LRRC17: variants seen among roughly 807,000 people sequenced by gnomAD.
LRRC17 encodes leucine rich repeat containing 17.
In LRRC17, 33 loss-of-function variants were observed where a neutral mutation model predicts 41.5. The ratio of observed to expected loss-of-function variants is 0.80; its 90% CI spans 0.60 to 1.06. LRRC17 has a LOEUF of 1.06. LRRC17 is among the 50% of genes least tolerant of loss of function. The probability of loss-of-function intolerance (pLI) is 0.00; values close to 1 mark genes in which losing one functional copy is unlikely to be tolerated. For missense variants in LRRC17, 491 were observed against 519.3 expected, an observed-to-expected ratio of 0.95 and a Z score of 0.53; for synonymous variants, 192 against 197.0, an observed-to-expected ratio of 0.97 and a Z score of 0.21.
At chr7:102,942,293 C>T (rs761302563) in intron 3 of LRRC17, 6 of 1,598,032 alleles carry the variant, frequency 3.8e-6, no homozygotes, top group Non-Finnish European at 8.5e-7. Flanking sequence ...ATTTCAGGGT[C>T]TTTGAGATGA....
intron 1 of LRRC17, among the ~76,000 whole-genome samples, chr7:102,920,659 T>G (rs533047791): frequency 2.6e-5 from 4 of 152,002 alleles, no homozygotes; most frequent in Non-Finnish European, 5.9e-5. Context: ...TACACTCAAT[T>G]TTGACAATAA....
chr7:102,913,346 C>A, intron 1 of LRRC17: 1 of 1,059,818 alleles, frequency 9.4e-7, no homozygotes, highest in Non-Finnish European at 1.4e-6. Context: ...TTTAACTTTA[C>A]TGTTAACTCT....
In LRRC17 at chr7:102,934,523, C is replaced by T. The variant is rs149650054; in HGVS notation, c.610C>T (p.Arg204Trp). The T allele has an allele frequency of 3.5e-5, 57 of 1,607,940 alleles. No homozygotes were observed. The East Asian group carries it at 4.5e-4, about 13-fold the overall frequency. The part of the protein sequence containing the change: ...SPQEQKNKKL[R>W]QIKSEQLCNE... ...ACAAGAACAAAAAAATAAAAAACTG[C>T]GGCAGATAAAATCTGAACAGTTGTG... The change falls in exon 2 of 4, where the codon CGG becomes TGG. Residue 204 changes from arginine to tryptophan, a missense_variant. Transcript: ENST00000339431.
At chr7:102,917,034 C>T (rs1237744894) in intron 1 of LRRC17, among the ~76,000 whole-genome samples, 1 of 151,926 alleles carries the variant, frequency 6.6e-6, no homozygotes, top group Non-Finnish European at 1.5e-5. Flanking sequence ...AAAAAATCAC[C>T]AAGACAAGGC....
chr7:102,931,309 G>T (rs1296256623), intron 1 of LRRC17, among the ~76,000 whole-genome samples: 2 of 152,192 alleles, frequency 1.3e-5, no homozygotes, highest in Non-Finnish European at 2.9e-5. Flanking sequence ...ACCACAGAGG[G>T]TCTTCAAGGT....
intron 1 of LRRC17, among the ~76,000 whole-genome samples, chr7:102,917,107 T>C (rs1816050995): frequency 6.6e-6 from 1 of 152,178 alleles, no homozygotes; most frequent in Non-Finnish European, 1.5e-5. Flanking sequence ...GGCTCTCTGG[T>C]TTCACAGAGG....
At chr7:102,931,825 C>T (rs112721319) in intron 1 of LRRC17, 9 of 1,521,988 alleles carry the variant, frequency 5.9e-6, no homozygotes, top group African/African-American at 2.7e-5. Flanking sequence ...TATTGGCACC[C>T]CAATGTAGCA....
chr7:102,916,657 G>A (rs551969644), intron 1 of LRRC17, among the ~76,000 whole-genome samples: 97 of 152,256 alleles, frequency 6.4e-4, no homozygotes, highest in African/African-American at 2.1e-3. Context: ...GCAAAGACGC[G>A]TGTCCCCTAC....
chr7:102,913,155 GCCTTT>G lies in LRRC17; in HGVS notation c.-141+11_-141+15del, dbSNP rs757637799. ...CATTCCCCAAGTTCAGGTACTGTAA[GCCTTT>G]GTCTGTGAACCGTCTGCAATAAGCC... On this transcript the variant is annotated intron_variant, in intron 1 of 3. Coordinates refer to ENST00000339431, the MANE Select transcript of LRRC17 (RefSeq NM_001031692.3). The G allele has an allele frequency of 5.0e-6, 8 of 1,614,022 alleles. No homozygotes were observed.
At chr7:102,930,370 A>G (rs1818938334) in intron 1 of LRRC17, among the ~76,000 whole-genome samples, 1 of 152,040 alleles carries the variant, frequency 6.6e-6, no homozygotes, top group Non-Finnish European at 1.5e-5. Context: ...ATCATCCTCT[A>G]TAAACCTGTT....
chr7:102,914,611 AAC>A, intron 1 of LRRC17, among the ~76,000 whole-genome samples: 1 of 152,348 alleles, frequency 6.6e-6, no homozygotes, highest in Admixed American at 6.5e-5. Flanking sequence ...GATTTTGAAA[AAC>A]ACATCTATAT....
intron 3 of LRRC17, among the ~76,000 whole-genome samples, chr7:102,940,909 T>C (rs528867405): frequency 5.9e-5 from 9 of 152,374 alleles, no homozygotes; most frequent in East Asian, 1.9e-4. Flanking sequence ...AATAATGTAA[T>C]GTAATGTTAT....
At chr7:102,941,392 G>A (rs1821393699) in intron 3 of LRRC17, among the ~76,000 whole-genome samples, 1 of 151,956 alleles carries the variant, frequency 6.6e-6, no homozygotes, top group Admixed American at 6.6e-5. Context: ...TCTCCAACCT[G>A]ACCAATCAGC....
intron 1 of LRRC17, among the ~76,000 whole-genome samples, chr7:102,920,577 C>G (rs1473178537): frequency 1.3e-5 from 2 of 152,036 alleles, no homozygotes; most frequent in East Asian, 3.9e-4. Flanking sequence ...TCTCAAACTC[C>G]TGGGCTCAAG....
At position 102,944,376 on chromosome 7, in the gene LRRC17, A is replaced by T. The variant is rs1249316789; in HGVS notation, c.1095A>T (p.Leu365Phe). The T allele has an allele frequency of 4.3e-6, 7 of 1,613,998 alleles. No homozygotes were observed. The East Asian group carries it at 1.3e-4, about 31-fold the overall frequency. ...DYNIHYLYYW[L>F]KHHYNVHFNG... ...ACATTCACTACCTCTACTACTGGTT[A>T]AAGCACCACTACAATGTCCATTTTA... is the stretch of plus-strand genomic sequence containing the variant. Residue 365 changes from leucine (L) to phenylalanine (F), a missense_variant, in exon 4 of 4, where the codon TTA becomes TTT. Leu to Phe is a conservative substitution (Grantham distance 22). Transcript: ENST00000339431.
At chr7:102,918,790 T>C (rs1255353823) in intron 1 of LRRC17, among the ~76,000 whole-genome samples, 1 of 152,130 alleles carries the variant, frequency 6.6e-6, no homozygotes, top group African/African-American at 2.4e-5. Flanking sequence ...AAAAAATGGC[T>C]CCCAAATCAT....
intron 3 of LRRC17, among the ~76,000 whole-genome samples, chr7:102,941,643 C>T (rs1476216073): frequency 3.3e-5 from 5 of 151,950 alleles, no homozygotes; most frequent in Non-Finnish European, 7.4e-5. Flanking sequence ...AAGCAAAAGC[C>T]ATTCCAAAGG....
Position 102,913,087 on chromosome 7 carries a change from T to C in LRRC17, c.-199T>C. On this transcript the variant is annotated 5_prime_UTR_variant, in exon 1 of 4. Transcript: ENST00000339431. ...CAAAGAGAAGACTGAAAGACAAACC[T>C]GGGTGCAGCCAGAGAGGTCCAGATA... The C allele has an allele frequency of 1.2e-6, 2 of 1,614,084 alleles. No homozygotes were observed. Among genetic ancestry groups the C allele is most frequent in the South Asian group, 1.1e-5 (1 of 91,072 alleles).
In LRRC17 at chr7:102,934,330, CCAGAT is replaced by C; in HGVS notation, c.420_424del (p.Ile141SerfsTer20). ...TCACCACCCTCTTACTGCAGCACAA[CCAGAT>C]CAAAGTCTTGACGGAGGAAGTGTTC... On this transcript the variant is annotated frameshift_variant, in exon 2 of 4. Transcript: ENST00000339431. LOFTEE classifies it high-confidence loss of function. The C allele has an allele frequency of 6.2e-7, 1 of 1,614,106 alleles. No homozygotes were observed. Among genetic ancestry groups the C allele is most frequent in the Admixed American group, 1.7e-5 (1 of 60,024 alleles).
Sources: gnomAD v4.1 joint callset for allele counts (sites outside exome capture counted in the v4.1 genomes callset) on GRCh38, gnomAD v4.1.1 for gene constraint, MANE v1.5 for transcripts, NCBI Gene and HGNC (gene_info 2026-07-23, HGNC 2026-07-21) for gene names.